CACNA2D1: variants seen among roughly 807,000 people sequenced by gnomAD.
CACNA2D1 encodes voltage-dependent calcium channel subunit alpha-2/delta-1.
CACNA2D1 carries 53 observed loss-of-function variants against 171.5 expected under a neutral mutation model. The observed-to-expected ratio is 0.31, with a 90% confidence interval of 0.25 to 0.39. The LOEUF is 0.39. Among genes scored for constraint, CACNA2D1 ranks in the 10% least tolerant of loss-of-function variants. The probability of loss-of-function intolerance (pLI) is 1.00; values close to 1 mark genes in which losing one functional copy is unlikely to be tolerated. For missense variants in CACNA2D1, 903 were observed against 1,299.8 expected (o/e 0.69, Z 4.69); for synonymous variants, 442 against 443.1 (o/e 1.00, Z 0.03).
chr7:82,195,551 G>C (rs752016647), intron 3 of CACNA2D1, among the ~76,000 whole-genome samples: 1 of 151,738 alleles, frequency 6.6e-6, no homozygotes, highest in African/African-American at 2.4e-5. Flanking sequence ...GTAGAATATT[G>C]TAGGGACAAA....
At chr7:81,972,645 T>C (rs781384119) in intron 25 of CACNA2D1, among the ~76,000 whole-genome samples, 7 of 151,918 alleles carry the variant, frequency 4.6e-5, no homozygotes, top group Non-Finnish European at 7.4e-5. Flanking sequence ...CCAATTATTA[T>C]GTATTCTTAA....
chr7:82,186,093 C>T (rs112547628), intron 3 of CACNA2D1, among the ~76,000 whole-genome samples: 3,102 of 150,672 alleles, frequency 0.021, 84 homozygotes, highest in East Asian at 0.11. Context: ...GAGGTGGAGG[C>T]TGCAGTGGGA....
intron 7 of CACNA2D1, among the ~76,000 whole-genome samples, chr7:82,075,343 G>A (rs1017552164): frequency 4.6e-5 from 7 of 152,104 alleles, no homozygotes; most frequent in African/African-American, 1.7e-4. Flanking sequence ...AGTCAACAGG[G>A]AAAAGTCGGG....
At chr7:82,040,792 T>C (rs1321840775) in intron 10 of CACNA2D1, among the ~76,000 whole-genome samples, 1 of 152,006 alleles carries the variant, frequency 6.6e-6, no homozygotes, top group Non-Finnish European at 1.5e-5. Context: ...CTGACCAACA[T>C]GGAGAAACCC....
Position 81,995,087 on chromosome 7 carries a change from T to C in CACNA2D1, c.1663-148A>G, listed in dbSNP as rs1034955612. 1.1e-5 allele frequency: 6 copies of C among 550,976 alleles called. No individual in the cohort carries two copies. The Admixed American group carries it at 1.6e-4, about 15-fold the overall frequency. 34.1% of individuals were successfully genotyped at this position (550,976 alleles called of 1,614,324 possible). On this transcript the variant is annotated intron_variant, in intron 19 of 38. Coordinates refer to ENST00000356860, the MANE Select transcript of CACNA2D1 (RefSeq NM_000722.4). ...GGGTTAGTTTTACCAGTATCTGCAGTTGTTCTCAGGGAATTTTTTTAAGTT... is the reference window on the plus strand; with the variant it reads ...GGGTTAGTTTTACCAGTATCTGCAGCTGTTCTCAGGGAATTTTTTTAAGTT...
At chr7:82,368,000 T>C (rs374606630) in intron 1 of CACNA2D1, among the ~76,000 whole-genome samples, 58 of 152,252 alleles carry the variant, frequency 3.8e-4, no homozygotes, top group African/African-American at 1.3e-3. Flanking sequence ...TGTTTCCTCA[T>C]AAAATTTCAA....
chr7:82,231,873 T>C (rs1463562963), intron 3 of CACNA2D1, among the ~76,000 whole-genome samples: 2 of 152,308 alleles, frequency 1.3e-5, no homozygotes, highest in Non-Finnish European at 2.9e-5. Context: ...TCTGAAGTCA[T>C]GTTATGTCAT....
chr7:82,354,722 C>T lies in CACNA2D1; in HGVS notation c.96-5073G>A, dbSNP rs144487828. Among the ~76,000 whole-genome samples the T allele has an allele frequency of 5.9e-5, 9 of 152,112 alleles. No homozygotes were observed. In the South Asian group the frequency reaches 8.3e-4, roughly 14 times the overall value. On this transcript the variant is annotated intron_variant, in intron 1 of 38. Transcript: ENST00000356860. The stretch of plus-strand genomic sequence containing the variant: ...TATACCGGAGGTCATCAGTTTCCAC[C>T]GGTACTAGTCAGTATGGCTATGTGA...
chr7:82,066,524 G>T lies in CACNA2D1; in HGVS notation c.659C>A (p.Ala220Asp). 2 of 1,460,954 alleles carry T rather than the reference G, an allele frequency of 1.4e-6. No individual in the cohort carries two copies. The highest frequency in any genetic ancestry group is 1.4e-5 in the South Asian group (1 of 70,940). 90.5% of individuals were successfully genotyped at this position (1,460,954 alleles called of 1,614,324 possible). A position where few individuals can be genotyped will look rare whatever the true frequency, so the allele number is the denominator to read the frequency against. The change falls in exon 8 of 39, where the codon GCT becomes GAT. Residue 220 changes from alanine to aspartate, a missense_variant and splice_region_variant. By Grantham distance (126) the Ala-to-Asp change is moderately radical. Transcript: ENST00000356860. ...TCTACTATTATCAACCCATGGTGAA[G>T]CTAAAAAAAAAAAAAAAAGAGAGAT... ...SATGLARYYP[A>D]SPWVDNSRTP...
At chr7:82,401,952 A>AGG (rs1563499389) in intron 1 of CACNA2D1, among the ~76,000 whole-genome samples, 1 of 152,234 alleles carries the variant, frequency 6.6e-6, no homozygotes, top group Non-Finnish European at 1.5e-5. Context: ...GCGAAAGCAG[A>AGG]GTTGTAATTT....
intron 3 of CACNA2D1, among the ~76,000 whole-genome samples, chr7:82,280,486 C>T (rs1273778991): frequency 2.6e-5 from 4 of 152,276 alleles, no homozygotes; most frequent in Admixed American, 6.5e-5. Context: ...GAAGAGCACA[C>T]AGGCCTGTCT....
rs550286709 is a variant in CACNA2D1, at chr7:82,268,558, C to A, written c.294+66577G>T. On this transcript the variant is annotated intron_variant, in intron 3 of 38. Transcript: ENST00000356860. Reference sequence around the variant, plus strand: ...TTCGCTTCTTCTTATTCAACCAAAACCAGAAATATCAAAACAGAAGAGTTA... The same window carrying A: ...TTCGCTTCTTCTTATTCAACCAAAAACAGAAATATCAAAACAGAAGAGTTA... Among the ~76,000 whole-genome samples, 7 of 151,914 alleles carry A rather than the reference C, an allele frequency of 4.6e-5. No individual in the cohort carries two copies. The South Asian group carries it at 1.0e-3, about 23-fold the overall frequency.
chr7:82,095,679 TGAAA>T (rs1482971057), intron 6 of CACNA2D1, among the ~76,000 whole-genome samples: 2 of 152,344 alleles, frequency 1.3e-5, no homozygotes, highest in East Asian at 1.9e-4. Flanking sequence ...TGTTAATGAA[TGAAA>T]GAGTGTGTGA....
chr7:82,405,091 ATAT>A (rs1481563921), intron 1 of CACNA2D1, among the ~76,000 whole-genome samples: 2 of 152,148 alleles, frequency 1.3e-5, no homozygotes, highest in Non-Finnish European at 2.9e-5. Context: ...AATAATACTG[ATAT>A]TCTCTTTATC....
At chr7:82,145,365 A>G (rs970553820) in intron 4 of CACNA2D1, among the ~76,000 whole-genome samples, 3 of 144,854 alleles carry the variant, frequency 2.1e-5, no homozygotes, top group African/African-American at 7.5e-5. Flanking sequence ...TATATATTAC[A>G]CATTATATAT....
intron 3 of CACNA2D1, among the ~76,000 whole-genome samples, chr7:82,264,034 A>T (rs1807487961): frequency 2.0e-5 from 3 of 152,156 alleles, no homozygotes; most frequent in East Asian, 1.9e-4. Flanking sequence ...CCATAAACTC[A>T]TTCTAAATTG....
In CACNA2D1 at chr7:82,180,218, TAA is replaced by T. The variant is rs746869393; in HGVS notation, c.295-9611_295-9610del. On this transcript the variant is annotated intron_variant, in intron 3 of 38. Transcript: ENST00000356860. ...CAGATTTGTTTCTTGCCCCAAAAAATAAAAGTGATCCTCTGAGGCAAGTGCGG... is the reference window on the plus strand; with the variant it reads ...CAGATTTGTTTCTTGCCCCAAAAAATAAGTGATCCTCTGAGGCAAGTGCGG... Among the ~76,000 whole-genome samples the T allele has an allele frequency of 1.3e-4, 20 of 152,100 alleles. 1 individual carries two copies. The highest frequency in any genetic ancestry group is 6.3e-3 in the Middle Eastern group (2 of 316).
At chr7:82,332,943 A>C (rs1817557252) in intron 3 of CACNA2D1, among the ~76,000 whole-genome samples, 2 of 152,208 alleles carry the variant, frequency 1.3e-5, no homozygotes, top group African/African-American at 4.8e-5. Flanking sequence ...AGGCTGCAGT[A>C]AGCAGTGATT....
Position 81,949,473 on chromosome 7 carries a change from T to C in CACNA2D1, c.*919A>G, listed in dbSNP as rs928076290. ...AGTAAGAGAAAAAACAACTGAAAAGTTAAAATAGCAGCAGCATCATGCAAA... is the reference window on the plus strand; with the variant it reads ...AGTAAGAGAAAAAACAACTGAAAAGCTAAAATAGCAGCAGCATCATGCAAA... On this transcript the variant is annotated 3_prime_UTR_variant, in exon 39 of 39. Transcript: ENST00000356860. The C allele has an allele frequency of 6.6e-6, 1 of 152,038 alleles. No individual in the cohort carries two copies. Among genetic ancestry groups the C allele is most frequent in the Non-Finnish European group, 1.5e-5 (1 of 67,984 alleles). The allele number at this position is 152,038 out of a possible 1,614,324, so 9.4% of individuals were successfully genotyped here.
Sources: allele counts gnomAD v4.1 joint callset (sites outside exome capture counted in the v4.1 genomes callset), GRCh38; gene constraint gnomAD v4.1.1; transcripts MANE v1.5; gene names NCBI Gene and HGNC (gene_info 2026-07-23, HGNC 2026-07-21).